ITPR1: variants seen among roughly 807,000 people sequenced by gnomAD.
ITPR1 encodes the protein inositol 1,4,5-trisphosphate-gated calcium channel ITPR1.
In ITPR1, 96 loss-of-function variants were observed where a neutral mutation model predicts 318.4. That is an observed-to-expected ratio of 0.30 (90% confidence interval 0.26 to 0.36). ITPR1 has a LOEUF of 0.36. Ranked by LOEUF, ITPR1 falls within the 10% of genes least tolerant of loss-of-function variation. The pLI, the probability that ITPR1 is intolerant of heterozygous loss-of-function variation, is 1.00. For missense variants in ITPR1, 2,440 were observed against 3,460.2 expected (o/e 0.71, Z 7.40); for synonymous variants, 1,312 against 1,289.9 (o/e 1.02, Z -0.37).
intron 32 of ITPR1, among the ~76,000 whole-genome samples, chr3:4,692,900 C>T (rs1472412595): frequency 6.6e-6 from 1 of 152,142 alleles, no homozygotes; most frequent in East Asian, 1.9e-4. Context: ...TTGGGTGGAT[C>T]ATCTGAGGTT....
At position 4,795,105 on chromosome 3, in the gene ITPR1, C is replaced by A; in HGVS notation, c.6849C>A (p.Phe2283Leu). ...VLYWCARNMS[F>L]WSSISFNLAV... ...ACTGGTGTGCCCGCAACATGTCTTT[C>A]TGGAGCAGCATTTCGTTTAACCTGG... The change falls in exon 53 of 62, where the codon TTC becomes TTA. Residue 2283 changes from phenylalanine (F) to leucine (L), a missense_variant. Physicochemically the swap from Phe to Leu is conservative, Grantham distance 22 (BLOSUM62 0). Around this residue, in one of 23 missense-constraint regions of ITPR1, gnomAD observed 115 missense variants for 204.5 expected, o/e 0.56. Coordinates refer to ENST00000649015, the MANE Select transcript of ITPR1 (RefSeq NM_001378452.1). 6.2e-7 allele frequency: 1 copy of A among 1,613,904 alleles called. No individual in the cohort carries two copies. Among genetic ancestry groups the A allele is most frequent in the Non-Finnish European group, 8.5e-7 (1 of 1,179,826 alleles).
intron 2 of ITPR1, among the ~76,000 whole-genome samples, chr3:4,497,382 C>G (rs184180179): frequency 1.4e-3 from 210 of 152,290 alleles, no homozygotes; most frequent in South Asian, 2.5e-3. Flanking sequence ...TTCTTGAGCA[C>G]CTGCTATGTA....
chr3:4,678,123 T>A (rs1461181211), intron 24 of ITPR1, among the ~76,000 whole-genome samples: 1 of 152,192 alleles, frequency 6.6e-6, no homozygotes, highest in Non-Finnish European at 1.5e-5. Context: ...TATTTTTTAG[T>A]CTGAAATCAC....
At chr3:4,843,332 A>G (rs1311461542) in intron 61 of ITPR1, among the ~76,000 whole-genome samples, 1 of 152,162 alleles carries the variant, frequency 6.6e-6, no homozygotes, top group Non-Finnish European at 1.5e-5. Flanking sequence ...AAAATAATAT[A>G]TGTACACAAA....
intron 4 of ITPR1, among the ~76,000 whole-genome samples, chr3:4,552,297 C>G (rs2085645568): frequency 6.6e-6 from 1 of 152,144 alleles, no homozygotes; most frequent in Non-Finnish European, 1.5e-5. Flanking sequence ...GCTCAGCCCC[C>G]AAGAATGCCC....
intron 4 of ITPR1, among the ~76,000 whole-genome samples, chr3:4,626,186 G>A (rs886485782): frequency 6.8e-6 from 1 of 147,492 alleles, no homozygotes; most frequent in Non-Finnish European, 1.5e-5. Context: ...TAAACTTTCT[G>A]TGTGTGTGTG....
chr3:4,780,835 G>A (rs1461741816), intron 49 of ITPR1, among the ~76,000 whole-genome samples: 1 of 152,132 alleles, frequency 6.6e-6, no homozygotes, highest in Non-Finnish European at 1.5e-5. Flanking sequence ...ACCCCATTCG[G>A]CTTCCCAGGA....
intron 4 of ITPR1, among the ~76,000 whole-genome samples, chr3:4,612,181 C>T (rs1360998561): frequency 6.6e-6 from 1 of 150,696 alleles, no homozygotes; most frequent in Non-Finnish European, 1.5e-5. Flanking sequence ...CCTGCCTCAG[C>T]CTCCCGAGTA....
At chr3:4,619,732 T>C (rs182797132) in intron 4 of ITPR1, among the ~76,000 whole-genome samples, 121 of 4,700 alleles carry the variant, frequency 0.026, 23 homozygotes, top group South Asian at 0.052. Flanking sequence ...TCTCCTCTGC[T>C]CTCCCCTGCT....
At chr3:4,835,072 T>C (rs1459274573) in intron 60 of ITPR1, among the ~76,000 whole-genome samples, 1 of 152,150 alleles carries the variant, frequency 6.6e-6, no homozygotes, top group Non-Finnish European at 1.5e-5. Context: ...ACTAAGGTGG[T>C]TCCTGCCTTC....
At chr3:4,791,756 A>C (rs895677583) in intron 52 of ITPR1, among the ~76,000 whole-genome samples, 1 of 152,238 alleles carries the variant, frequency 6.6e-6, no homozygotes. Flanking sequence ...GTAATCAAGC[A>C]TTGACGCATG....
At chr3:4,670,340 G>A (rs975669350) in intron 19 of ITPR1, among the ~76,000 whole-genome samples, 10 of 152,192 alleles carry the variant, frequency 6.6e-5, no homozygotes, top group African/African-American at 2.4e-4. Flanking sequence ...TTGGGCTTGG[G>A]CTAATGCAGG....
intron 43 of ITPR1, among the ~76,000 whole-genome samples, chr3:4,734,693 A>ATGAG (rs2043154633): frequency 2.6e-5 from 4 of 152,270 alleles, no homozygotes; most frequent in African/African-American, 9.6e-5. Context: ...GAATGAATAA[A>ATGAG]CAGATAAATT....
At chr3:4,611,737 T>G (rs1159694988) in intron 4 of ITPR1, among the ~76,000 whole-genome samples, 1 of 152,034 alleles carries the variant, frequency 6.6e-6, no homozygotes, top group Non-Finnish European at 1.5e-5. Flanking sequence ...CAGCGAGACC[T>G]TCTCTCAAAA....
rs146072614 is a variant in ITPR1 at position 4,779,504 on chromosome 3, C to G, written c.6292-46C>G. On this transcript the variant is annotated intron_variant, in intron 48 of 61. Transcript: ENST00000649015. This position sits in a 1 kb window ranked among gnomAD's most constrained non-coding sequence, Gnocchi z 4.0. Reference sequence around the variant, plus strand: ...TGGCACCTGCATTCAGGCCGGGCCCCCAAGCAGCCCCTCTACATTTCCTCT... The same window carrying G: ...TGGCACCTGCATTCAGGCCGGGCCCGCAAGCAGCCCCTCTACATTTCCTCT... 6.8e-7 allele frequency: 1 copy of G among 1,476,962 alleles called. No homozygotes were observed. Among genetic ancestry groups the G allele is most frequent in the Non-Finnish European group, 9.5e-7 (1 of 1,057,458 alleles). 91.5% of individuals were successfully genotyped at this position (1,476,962 alleles called of 1,614,324 possible).
intron 23 of ITPR1, among the ~76,000 whole-genome samples, 154 bp from the exon 24 acceptor site, chr3:4,676,460 G>A (rs895140288): frequency 6.6e-6 from 1 of 152,160 alleles, no homozygotes. Flanking sequence ...GATTTTTGAT[G>A]TGCATTTACC....
At chr3:4,741,620 T>C (rs1371279598) in intron 44 of ITPR1, among the ~76,000 whole-genome samples, 1 of 151,982 alleles carries the variant, frequency 6.6e-6, no homozygotes, top group Admixed American at 6.6e-5. Context: ...TCACATCCCT[T>C]CCGGAAGTCA....
chr3:4,803,303 A>AC (rs1392399938), intron 54 of ITPR1, among the ~76,000 whole-genome samples: 1 of 152,116 alleles, frequency 6.6e-6, no homozygotes, highest in Non-Finnish European at 1.5e-5. Flanking sequence ...ACCAAACCAT[A>AC]CTGCCACTCT....
At chr3:4,624,735 A>T (rs1218283576) in intron 4 of ITPR1, among the ~76,000 whole-genome samples, 1 of 151,376 alleles carries the variant, frequency 6.6e-6, no homozygotes, top group African/African-American at 2.4e-5. Flanking sequence ...GTTGTTTATT[A>T]TAGTTTTATA....
Sources: allele counts gnomAD v4.1 joint callset (sites outside exome capture counted in the v4.1 genomes callset), GRCh38; gene constraint gnomAD v4.1.1; regional missense constraint gnomAD v4.1.1; non-coding constraint Gnocchi (gnomAD v3.1); transcripts MANE v1.5; gene names NCBI Gene and HGNC (gene_info 2026-07-23, HGNC 2026-07-21).